The following DNAI4 variants were observed in gnomAD, a reference collection of about 807,000 sequenced individuals.
The protein encoded by DNAI4 is dynein axonemal intermediate chain 4, also known as WD repeat domain 78.
In DNAI4, 85 loss-of-function variants were observed where a neutral mutation model predicts 105.8. The observed-to-expected ratio is 0.80, with a 90% CI of 0.67 to 0.96. The LOEUF is 0.96. Among genes scored for constraint, DNAI4 ranks in the 40% least tolerant of loss-of-function variants. DNAI4 has a pLI of 0.00. For synonymous variants in DNAI4, 352 were observed against 331.5 expected, an observed-to-expected ratio of 1.06 and a Z score of -0.67; for missense variants, 1,014 against 1,005.6, an observed-to-expected ratio of 1.01 and a Z score of -0.11.
At chr1:66,842,597 A>G (rs1646174013) in intron 8 of DNAI4, among the ~76,000 whole-genome samples, 1 of 152,016 alleles carries the variant, frequency 6.6e-6, no homozygotes, top group African/African-American at 2.4e-5. Context: ...GGGTTTCACT[A>G]TGTTGGCCAG....
At chr1:66,837,311 G>T (rs979749708) in intron 10 of DNAI4, among the ~76,000 whole-genome samples, 4 of 145,548 alleles carry the variant, frequency 2.7e-5, no homozygotes, top group Non-Finnish European at 6.0e-5. Context: ...TTTGCAGTGA[G>T]TCGAGATTGC....
intron 1 of DNAI4, among the ~76,000 whole-genome samples, chr1:66,912,964 C>T (rs1649769670): frequency 6.6e-6 from 1 of 152,168 alleles, no homozygotes; most frequent in African/African-American, 2.4e-5. Context: ...TTTTGCTGTA[C>T]AACTCCCTTT....
chr1:66,879,199 A>G (rs113729843), intron 4 of DNAI4, among the ~76,000 whole-genome samples: 4 of 152,286 alleles, frequency 2.6e-5, no homozygotes, highest in African/African-American at 9.6e-5. Context: ...CCTTCTCTTC[A>G]AGGCCCTGCT....
At position 66,814,010 on chromosome 1, in the gene DNAI4, A is replaced by T. The variant is rs891063326; in HGVS notation, c.*120T>A. 5.1e-6 allele frequency: 3 copies of T among 583,714 alleles called. No individual in the cohort carries two copies. Among genetic ancestry groups the T allele is most frequent in the African/African-American group, 1.9e-5 (1 of 51,890 alleles). 36.2% of individuals were successfully genotyped at this position (583,714 alleles called of 1,614,324 possible). A position where few individuals can be genotyped will look rare whatever the true frequency, so the allele number is the denominator to read the frequency against. On this transcript the variant is annotated 3_prime_UTR_variant, in exon 17 of 17. Transcript: ENST00000371026. ...AGTTTATTAAATTTAAATTAAGTGG[A>T]AGTTATACATCAAATATTGTTTTCT...
intron 8 of DNAI4, among the ~76,000 whole-genome samples, chr1:66,845,216 T>TA (rs1557918757): frequency 3.8e-4 from 8 of 21,094 alleles, no homozygotes; most frequent in South Asian, 1.1e-3. Context: ...AAAAGAAAAA[T>TA]TAAAAAAAAA....
intron 2 of DNAI4, 51 bp from the exon 3 acceptor site, chr1:66,893,464 T>G (rs754398995): frequency 1.6e-5 from 20 of 1,260,644 alleles, no homozygotes; most frequent in Non-Finnish European, 2.1e-5. Flanking sequence ...ACAGGGCTTC[T>G]AAATAACAGC....
intron 9 of DNAI4, among the ~76,000 whole-genome samples, chr1:66,838,002 T>C (rs1178335286): frequency 6.6e-6 from 1 of 152,202 alleles, no homozygotes; most frequent in East Asian, 1.9e-4. Context: ...TGCTTCTCAT[T>C]TGCAGGCTGA....
chr1:66,833,177 G>T lies in DNAI4; in HGVS notation c.2013+408C>A, dbSNP rs537601437. ...TGTACCATTCCACCTTAGGTTAGCA[G>T]CTAAATCTGTCATTTTTTCACTTAC... On this transcript the variant is annotated intron_variant, in intron 13 of 16. Transcript: ENST00000371026. 2.0e-5 allele frequency among the ~76,000 whole-genome samples: 3 copies of T among 152,174 alleles called. No individual in the cohort carries two copies. In the East Asian group the frequency reaches 5.8e-4, roughly 29 times the overall value.
intron 4 of DNAI4, among the ~76,000 whole-genome samples, chr1:66,883,471 T>C (rs963516290): frequency 6.6e-6 from 1 of 151,928 alleles, no homozygotes; most frequent in Non-Finnish European, 1.5e-5. Flanking sequence ...ATATACGGGG[T>C]TTTGCCATGT....
intron 13 of DNAI4, among the ~76,000 whole-genome samples, chr1:66,831,987 T>G (rs1478751628): frequency 1.3e-5 from 2 of 152,108 alleles, no homozygotes. Context: ...GGTGGCTGCC[T>G]GTACATTGAA....
chr1:66,864,282 G>A (rs1248102813), intron 6 of DNAI4, among the ~76,000 whole-genome samples: 1 of 152,098 alleles, frequency 6.6e-6, no homozygotes, highest in African/African-American at 2.4e-5. Context: ...ATGCCCTAAT[G>A]TTATGTAAAA....
chr1:66,897,336 G>C (rs182355101), intron 2 of DNAI4, among the ~76,000 whole-genome samples: 79 of 152,304 alleles, frequency 5.2e-4, no homozygotes, highest in Non-Finnish European at 4.4e-4. Context: ...TGAGAACAAA[G>C]GGATGAGATT....
At chr1:66,907,860 T>C (rs1336883897) in intron 1 of DNAI4, among the ~76,000 whole-genome samples, 1 of 152,226 alleles carries the variant, frequency 6.6e-6, no homozygotes, top group Admixed American at 6.5e-5. Flanking sequence ...CAGCATTTCC[T>C]ATTTTTCCAG....
intron 2 of DNAI4, among the ~76,000 whole-genome samples, chr1:66,898,095 A>G (rs745783046): frequency 6.6e-6 from 1 of 152,176 alleles, no homozygotes; most frequent in Non-Finnish European, 1.5e-5. Context: ...AAAAGATATT[A>G]TTCTCCAGCT....
rs569869814 is a variant in DNAI4 at position 66,866,763 on chromosome 1, T to C, written c.941-4461A>G. Among the ~76,000 whole-genome samples the C allele has an allele frequency of 2.6e-5, 4 of 152,334 alleles. No individual in the cohort carries two copies. The South Asian group carries it at 6.2e-4, about 24-fold the overall frequency. Reference sequence around the variant, plus strand: ...GATGTAGTATCTAGACTGGAAATTATTTACCTTCTAAATTTTGAAGGCAGT... The same window carrying C: ...GATGTAGTATCTAGACTGGAAATTACTTACCTTCTAAATTTTGAAGGCAGT... On this transcript the variant is annotated intron_variant, in intron 6 of 16. Coordinates refer to ENST00000371026, the MANE Select transcript of DNAI4 (RefSeq NM_024763.5).
At chr1:66,873,429 A>G (rs1646892276) in intron 5 of DNAI4, among the ~76,000 whole-genome samples, 1 of 151,760 alleles carries the variant, frequency 6.6e-6, no homozygotes, top group Non-Finnish European at 1.5e-5. Flanking sequence ...AAGAAAAAAA[A>G]AATTGTGGAG....
At chr1:66,844,161 CATGAT>C (rs1235098664) in intron 8 of DNAI4, among the ~76,000 whole-genome samples, 1 of 138,190 alleles carries the variant, frequency 7.2e-6, no homozygotes, top group Non-Finnish European at 1.6e-5. Context: ...AAATAAATAA[CATGAT>C]AGATATGTTA....
In DNAI4 at chr1:66,847,478, A is replaced by T. The variant is rs1407256597; in HGVS notation, c.1291+6T>A. On this transcript the variant is annotated splice_donor_region_variant and intron_variant, in intron 8 of 16. Coordinates refer to ENST00000371026, the MANE Select transcript of DNAI4 (RefSeq NM_024763.5). ...CAGCCTAAACATGTTTATTTTTTTT[A>T]AATACCTTTTAAAACAGGAAGCTGA... 3 of 1,608,604 alleles carry T rather than the reference A, an allele frequency of 1.9e-6. No homozygotes were observed. Among genetic ancestry groups the T allele is most frequent in the South Asian group, 1.1e-5 (1 of 90,226 alleles).
At chr1:66,896,743 G>C (rs1357331352) in intron 2 of DNAI4, among the ~76,000 whole-genome samples, 2 of 152,114 alleles carry the variant, frequency 1.3e-5, no homozygotes, top group Non-Finnish European at 2.9e-5. Context: ...GTCCCCACTA[G>C]CAACAAGGCC....
Sources: allele counts gnomAD v4.1 joint callset (sites outside exome capture counted in the v4.1 genomes callset), GRCh38; gene constraint gnomAD v4.1.1; transcripts MANE v1.5; gene names NCBI Gene and HGNC (gene_info 2026-07-23, HGNC 2026-07-21).